The following MCPH1 variants were observed in gnomAD, a reference collection of about 807,000 sequenced individuals.
MCPH1 encodes the protein microcephalin 1.
In MCPH1, 104 loss-of-function variants were observed where a neutral mutation model predicts 84.5. That is an observed-to-expected ratio of 1.23 (90% confidence interval 1.05 to 1.45). MCPH1 has a LOEUF of 1.45. Among genes scored for constraint, MCPH1 ranks in the 40% most tolerant of loss-of-function variants. The pLI, the probability that MCPH1 is intolerant of heterozygous loss-of-function variation, is 0.00. For missense variants in MCPH1, 1,498 were observed against 1,005.7 expected, an observed-to-expected ratio of 1.49 and a Z score of -6.62; for synonymous variants, 514 against 366.8, an observed-to-expected ratio of 1.40 and a Z score of -4.58.
intron 12 of MCPH1, among the ~76,000 whole-genome samples, chr8:6,555,758 C>G (rs1007929235): frequency 6.6e-6 from 1 of 152,198 alleles, no homozygotes; most frequent in Non-Finnish European, 1.5e-5. Context: ...CCACTGCACC[C>G]AGCCACATAA....
rs552557731 is a variant in MCPH1, at chr8:6,508,371, C to G, written c.2214+8442C>G. ...GCTGAGGCAGGAGAATCGCTTGAGCCTGGGAGGCAGGGGTTGCAGTGAGCT... is the reference window on the plus strand; with the variant it reads ...GCTGAGGCAGGAGAATCGCTTGAGCGTGGGAGGCAGGGGTTGCAGTGAGCT... On this transcript the variant is annotated intron_variant, in intron 12 of 13. Transcript: ENST00000344683. 3 of 154,198 alleles carry G rather than the reference C, an allele frequency of 1.9e-5. No homozygotes were observed. In the South Asian group the frequency reaches 6.1e-4, roughly 31 times the overall value. 9.6% of individuals were successfully genotyped at this position (154,198 alleles called of 1,614,324 possible).
intron 3 of MCPH1, among the ~76,000 whole-genome samples, chr8:6,429,741 CT>C (rs986909758): frequency 2.0e-5 from 3 of 151,938 alleles, no homozygotes; most frequent in African/African-American, 7.3e-5. Flanking sequence ...AGGATTCCCC[CT>C]CCCCATCTTA....
chr8:6,638,590 A>C (rs777960101), intron 13 of MCPH1, among the ~76,000 whole-genome samples: 1 of 152,030 alleles, frequency 6.6e-6, no homozygotes, highest in Non-Finnish European at 1.5e-5. Context: ...AAAAAAAAAA[A>C]AAAAATTTTT....
intron 12 of MCPH1, among the ~76,000 whole-genome samples, chr8:6,584,648 A>G (rs1490721488): frequency 3.9e-5 from 6 of 152,222 alleles, no homozygotes; most frequent in Non-Finnish European, 8.8e-5. Flanking sequence ...TGTTCGCTAC[A>G]CGTCACTTAA....
chr8:6,621,796 C>G, intron 13 of MCPH1, 105 bp downstream of exon 13: 2 of 1,488,658 alleles, frequency 1.3e-6, no homozygotes, highest in Non-Finnish European at 9.3e-7. Flanking sequence ...AGCTGGGGCA[C>G]CTGGGTTGAT....
intron 12 of MCPH1, among the ~76,000 whole-genome samples, chr8:6,612,923 G>T (rs527670222): frequency 6.6e-6 from 1 of 152,374 alleles, no homozygotes; most frequent in African/African-American, 2.4e-5. Context: ...GAGGGAAGGG[G>T]TTTGCAGGTT....
At chr8:6,411,048 C>T (rs1405897637) in intron 2 of MCPH1, among the ~76,000 whole-genome samples, 3 of 152,092 alleles carry the variant, frequency 2.0e-5, no homozygotes, top group Non-Finnish European at 4.4e-5. Context: ...CGAGATTGCA[C>T]CACTGCACTC....
At chr8:6,505,275 T>TACATATATATGTATATA (rs1554514616) in intron 12 of MCPH1, among the ~76,000 whole-genome samples, 1 of 27,100 alleles carries the variant, frequency 3.7e-5, no homozygotes, top group Non-Finnish European at 6.2e-5. Context: ...TATATATGTA[T>TACATATATATGTATATA]ACATATATAT....
intron 11 of MCPH1, chr8:6,494,012 C>T (rs1490866364): frequency 1.3e-5 from 2 of 151,948 alleles, no homozygotes; most frequent in Non-Finnish European, 2.9e-5. Context: ...ACGATCTTGG[C>T]TCACTGCAAC....
chr8:6,479,271 C>T (rs1170365231), intron 10 of MCPH1, among the ~76,000 whole-genome samples: 1 of 151,578 alleles, frequency 6.6e-6, no homozygotes, highest in African/African-American at 2.4e-5. Flanking sequence ...TGTCTCAAAA[C>T]AATAAAATAA....
chr8:6,541,853 T>C (rs1386704716), intron 12 of MCPH1, among the ~76,000 whole-genome samples: 1 of 151,800 alleles, frequency 6.6e-6, no homozygotes, highest in East Asian at 1.9e-4. Flanking sequence ...AAAATTTTTT[T>C]AAAAATTAGC....
chr8:6,586,363 C>A (rs1214078179), intron 12 of MCPH1, among the ~76,000 whole-genome samples: 1 of 152,200 alleles, frequency 6.6e-6, no homozygotes, highest in Non-Finnish European at 1.5e-5. Context: ...AAAATATACA[C>A]CCTCTTACCT....
At chr8:6,549,164 G>A (rs1400165310) in intron 12 of MCPH1, among the ~76,000 whole-genome samples, 2 of 152,182 alleles carry the variant, frequency 1.3e-5, no homozygotes, top group African/African-American at 4.8e-5. Context: ...TGATACATGG[G>A]TTTGTACAGT....
At position 6,431,486 on chromosome 8, in the gene MCPH1, T is replaced by G; in HGVS notation, c.234-13T>G. On this transcript the variant is annotated splice_polypyrimidine_tract_variant and intron_variant, in intron 3 of 13. Transcript: ENST00000344683. ...GCAAATACTCATTAGACTACCTTAA[T>G]TTAATTATACAGATGCAGGACAGCT... is the stretch of plus-strand genomic sequence containing the variant. 6.2e-7 allele frequency: 1 copy of G among 1,606,880 alleles called. No individual in the cohort carries two copies. Among genetic ancestry groups the G allele is most frequent in the South Asian group, 1.1e-5 (1 of 90,838 alleles).
In MCPH1 at chr8:6,506,982, C is replaced by G. The variant is rs577802113; in HGVS notation, c.2214+7053C>G. Among the ~76,000 whole-genome samples, 17 of 152,132 alleles carry G rather than the reference C, an allele frequency of 1.1e-4. No homozygotes were observed. The South Asian group carries it at 2.9e-3, about 26-fold the overall frequency. On this transcript the variant is annotated intron_variant, in intron 12 of 13. Coordinates refer to ENST00000344683, the MANE Select transcript of MCPH1 (RefSeq NM_024596.5). ...GTGCGATCTCGGCTCATTGCAAACT[C>G]TGTCTCCCCGGTTCAAGAGATTTTC...
In MCPH1 at chr8:6,406,764, G is replaced by A. The variant is rs1282343031; in HGVS notation, c.22+75G>A. 6 of 1,532,102 alleles carry A rather than the reference G, an allele frequency of 3.9e-6. No individual in the cohort carries two copies. In the African/African-American group the frequency reaches 4.1e-5, roughly 10 times the overall value. The allele number at this position is 1,532,102 out of a possible 1,614,324, so 94.9% of individuals were successfully genotyped here. A position where few individuals can be genotyped will look rare whatever the true frequency, so the allele number is the denominator to read the frequency against. ...CACCCCTCGTCGCGGGCGCACTCGG[G>A]GGATCCCGTGGGAGGAGCCCCGCTC... On this transcript the variant is annotated intron_variant, in intron 1 of 13. Coordinates refer to ENST00000344683, the MANE Select transcript of MCPH1 (RefSeq NM_024596.5).
intron 12 of MCPH1, among the ~76,000 whole-genome samples, chr8:6,569,436 AC>A (rs1375143635): frequency 6.6e-6 from 1 of 152,242 alleles, no homozygotes; most frequent in African/African-American, 2.4e-5. Flanking sequence ...TCATCATGTT[AC>A]ACTAGTGTTA....
chr8:6,421,133 C>T (rs1010573917), intron 3 of MCPH1, among the ~76,000 whole-genome samples: 31 of 152,192 alleles, frequency 2.0e-4, no homozygotes, highest in Non-Finnish European at 5.9e-5. Flanking sequence ...GGGTGCCCAT[C>T]TGAAGCTTTC....
intron 13 of MCPH1, among the ~76,000 whole-genome samples, chr8:6,628,035 C>G (rs1208671995): frequency 6.6e-6 from 1 of 152,120 alleles, no homozygotes; most frequent in Non-Finnish European, 1.5e-5. Context: ...TAAGCACTCC[C>G]TTCATTGCAT....
Sources: allele counts gnomAD v4.1 joint callset (sites outside exome capture counted in the v4.1 genomes callset), GRCh38; gene constraint gnomAD v4.1.1; transcripts MANE v1.5; gene names NCBI Gene and HGNC (gene_info 2026-07-23, HGNC 2026-07-21).